GPC6: variants seen among roughly 807,000 people sequenced by gnomAD.
GPC6 encodes the protein glypican 6, also known as glypican-6.
GPC6 carries 14 observed loss-of-function variants against 55.2 expected under a neutral mutation model. The ratio of observed to expected loss-of-function variants is 0.25; its 90% CI spans 0.17 to 0.40. The LOEUF is 0.40. Among genes scored for constraint, GPC6 ranks in the 10% least tolerant of loss-of-function variants. The probability of loss-of-function intolerance (pLI) is 1.00; values close to 1 mark genes in which losing one functional copy is unlikely to be tolerated. For missense variants in GPC6, 641 were observed against 708.5 expected (o/e 0.90, Z 1.08); for synonymous variants, 278 against 259.6 (o/e 1.07, Z -0.68).
intron 2 of GPC6, among the ~76,000 whole-genome samples, chr13:93,653,836 T>C (rs1331867997): frequency 6.6e-6 from 1 of 152,134 alleles, no homozygotes; most frequent in Non-Finnish European, 1.5e-5. Context: ...TTACTTATAA[T>C]TTTACCTCAA....
At chr13:94,228,976 T>A (rs1890640271) in intron 4 of GPC6, among the ~76,000 whole-genome samples, 1 of 152,200 alleles carries the variant, frequency 6.6e-6, no homozygotes. Flanking sequence ...ATTGTTGGAA[T>A]GCTAAAGTCT....
At chr13:93,905,740 TTTAA>T (rs1186496999) in intron 3 of GPC6, among the ~76,000 whole-genome samples, 1 of 152,178 alleles carries the variant, frequency 6.6e-6, no homozygotes, top group Non-Finnish European at 1.5e-5. Context: ...AGGATCAGGT[TTTAA>T]TTACCTAATG....
At chr13:93,308,202 A>G (rs749192512) in intron 1 of GPC6, among the ~76,000 whole-genome samples, 35 of 152,114 alleles carry the variant, frequency 2.3e-4, no homozygotes, top group Non-Finnish European at 3.4e-4. Context: ...GGAGAATGGC[A>G]TGAACCCGGG....
intron 3 of GPC6, among the ~76,000 whole-genome samples, chr13:93,856,016 G>C (rs1361674774): frequency 6.6e-6 from 1 of 151,574 alleles, no homozygotes; most frequent in Non-Finnish European, 1.5e-5. Flanking sequence ...GTCTTTCACA[G>C]AGCAGTTTTT....
intron 4 of GPC6, among the ~76,000 whole-genome samples, chr13:94,150,480 T>C (rs932321965): frequency 2.0e-5 from 3 of 152,074 alleles, no homozygotes; most frequent in African/African-American, 7.2e-5. Context: ...CAGCTTCATT[T>C]CTCACCTCAA....
chr13:94,361,915 A>C (rs1653079753), intron 6 of GPC6, among the ~76,000 whole-genome samples: 1 of 152,234 alleles, frequency 6.6e-6, no homozygotes, highest in Non-Finnish European at 1.5e-5. Context: ...TTTCAAGGGA[A>C]AGGAAATAAA....
At chr13:94,378,144 T>C (rs1165669498) in intron 6 of GPC6, among the ~76,000 whole-genome samples, 2 of 152,106 alleles carry the variant, frequency 1.3e-5, no homozygotes, top group Non-Finnish European at 2.9e-5. Context: ...CATGTATACA[T>C]ATGTAACTAA....
intron 4 of GPC6, among the ~76,000 whole-genome samples, chr13:94,210,372 G>C (rs1370390366): frequency 6.6e-6 from 1 of 151,726 alleles, no homozygotes. Flanking sequence ...AGCCAGGCTG[G>C]TTCCAAACTC....
intron 4 of GPC6, among the ~76,000 whole-genome samples, chr13:94,195,504 C>T (rs2138968304): frequency 6.6e-6 from 1 of 152,226 alleles, no homozygotes; most frequent in Middle Eastern, 3.4e-3. Context: ...TAGGAGTCAG[C>T]TTGTACATGC....
At chr13:93,925,686 T>C (rs1166552233) in intron 3 of GPC6, among the ~76,000 whole-genome samples, 1 of 152,234 alleles carries the variant, frequency 6.6e-6, no homozygotes, top group Non-Finnish European at 1.5e-5. Context: ...CGTGGTTCTC[T>C]GTGCCTGGAA....
At chr13:93,342,233 A>C (rs1880283064) in intron 1 of GPC6, among the ~76,000 whole-genome samples, 1 of 152,102 alleles carries the variant, frequency 6.6e-6, no homozygotes, top group Non-Finnish European at 1.5e-5. Context: ...AGACCCATAG[A>C]AGACTGGGAG....
At chr13:93,887,511 A>G (rs1431769775) in intron 3 of GPC6, among the ~76,000 whole-genome samples, 1 of 152,118 alleles carries the variant, frequency 6.6e-6, no homozygotes, top group Non-Finnish European at 1.5e-5. Context: ...TACGTGTTAT[A>G]TGGTATTTGC....
At chr13:93,239,835 T>C (rs1006455643) in intron 1 of GPC6, among the ~76,000 whole-genome samples, 2 of 152,206 alleles carry the variant, frequency 1.3e-5, no homozygotes, top group Admixed American at 6.5e-5. Flanking sequence ...TGTGTCACTG[T>C]CATCATTCAT....
intron 2 of GPC6, among the ~76,000 whole-genome samples, chr13:93,763,492 G>A (rs557450047): frequency 6.6e-6 from 1 of 152,252 alleles, no homozygotes; most frequent in South Asian, 2.1e-4. Context: ...CTGTTTCCCT[G>A]CACCTACTCT....
intron 1 of GPC6, among the ~76,000 whole-genome samples, chr13:93,522,591 G>A (rs759907206): frequency 2.6e-5 from 4 of 151,382 alleles, no homozygotes; most frequent in Admixed American, 6.6e-5. Flanking sequence ...CTTATGCTCC[G>A]GTCATGCTAG....
At chr13:94,213,341 G>T (rs1323210937) in intron 4 of GPC6, among the ~76,000 whole-genome samples, 1 of 152,046 alleles carries the variant, frequency 6.6e-6, no homozygotes, top group African/African-American at 2.4e-5. Context: ...TTCTCAATTG[G>T]GCAGTTTAAA....
chr13:93,234,733 G>A (rs1020819943), intron 1 of GPC6, among the ~76,000 whole-genome samples: 6 of 144,980 alleles, frequency 4.1e-5, no homozygotes, highest in Non-Finnish European at 7.8e-5. Flanking sequence ...AGGGAAGGAA[G>A]AGAGAGAAGA....
At chr13:93,483,795 CAG>C (rs1167472361) in intron 1 of GPC6, among the ~76,000 whole-genome samples, 1 of 152,090 alleles carries the variant, frequency 6.6e-6, no homozygotes, top group Non-Finnish European at 1.5e-5. Flanking sequence ...TATTAGCCCA[CAG>C]AGTGTTGTTT....
intron 3 of GPC6, among the ~76,000 whole-genome samples, chr13:93,945,488 G>A (rs375879425): frequency 7.2e-5 from 11 of 152,194 alleles, no homozygotes; most frequent in African/African-American, 1.9e-4. Flanking sequence ...GCAAGGTGAA[G>A]CGCAGGCAGG....
Sources: allele counts gnomAD v4.1 joint callset (sites outside exome capture counted in the v4.1 genomes callset), GRCh38; gene constraint gnomAD v4.1.1; transcripts MANE v1.5; gene names NCBI Gene and HGNC (gene_info 2026-07-23, HGNC 2026-07-21).